Variants in CD109 observed in about 807,000 individuals in gnomAD.
The protein encoded by CD109 is CD109 molecule, also known as CD109 antigen.
CD109 carries 149 observed loss-of-function variants against 165.8 expected under a neutral mutation model. The ratio of observed to expected loss-of-function variants is 0.90; its 90% CI spans 0.79 to 1.03. The LOEUF (loss-of-function observed/expected upper bound fraction) is 1.03. Among genes scored for constraint, CD109 ranks in the 50% least tolerant of loss-of-function variants. The pLI, the probability that CD109 is intolerant of heterozygous loss-of-function variation, is 0.00. For synonymous variants in CD109, 585 were observed against 592.1 expected, an observed-to-expected ratio of 0.99 and a Z score of 0.18; for missense variants, 1,712 against 1,677.8, an observed-to-expected ratio of 1.02 and a Z score of -0.36.
chr6:73,743,648 A>G (rs978322312), intron 5 of CD109, among the ~76,000 whole-genome samples: 1 of 152,094 alleles, frequency 6.6e-6, no homozygotes, highest in East Asian at 1.9e-4. Flanking sequence ...AAAAGAGCAC[A>G]TCTTTGTTTG....
intron 29 of CD109, 117 bp from the exon 30 acceptor site, chr6:73,814,864 G>C (rs1016270633): frequency 5.4e-6 from 3 of 559,456 alleles, no homozygotes; most frequent in Admixed American, 4.4e-5. Context: ...CTAGTTTGAA[G>C]ATTAAAAATC....
At chr6:73,697,094 C>T (rs145866287) in intron 1 of CD109, among the ~76,000 whole-genome samples, 127 of 152,276 alleles carry the variant, frequency 8.3e-4, no homozygotes, top group African/African-American at 2.1e-3. Context: ...CATTATGCCC[C>T]GGTGCAAGCC....
At chr6:73,763,932 T>G (rs1339914008) in intron 10 of CD109, among the ~76,000 whole-genome samples, 1 of 152,170 alleles carries the variant, frequency 6.6e-6, no homozygotes, top group African/African-American at 2.4e-5. Context: ...GCAATTTAAG[T>G]TAGATGTGGA....
chr6:73,785,585 T>C (rs2150256381), intron 20 of CD109, 108 bp downstream of exon 20: 2 of 586,782 alleles, frequency 3.4e-6, no homozygotes, highest in East Asian at 6.3e-5. Flanking sequence ...CTAAGCACTT[T>C]ATACATTTCT....
Position 73,806,847 on chromosome 6 carries a change from G to A in CD109, c.2964G>A (p.Leu988=). ...GNYDPSGSTW[L]SAFVLRCFLE... Reference sequence around the variant, plus strand: ...ATTTTTTTCTCTTTTCATAAAGGTTGTCAGCTTTTGTTTTAAGATGTTTCC... The same window carrying A: ...ATTTTTTTCTCTTTTCATAAAGGTTATCAGCTTTTGTTTTAAGATGTTTCC... The change falls in exon 25 of 33, where the codon TTG becomes TTA. Residue 988 remains leucine (L), a synonymous_variant. Transcript: ENST00000287097. The A allele has an allele frequency of 1.2e-6, 2 of 1,611,158 alleles. No individual in the cohort carries two copies. The highest frequency in any genetic ancestry group is 1.7e-6 in the Non-Finnish European group (2 of 1,178,262).
At chr6:73,720,340 A>G (rs1485533546) in intron 2 of CD109, among the ~76,000 whole-genome samples, 1 of 152,200 alleles carries the variant, frequency 6.6e-6, no homozygotes, top group Non-Finnish European at 1.5e-5. Flanking sequence ...AAAGGGTAAA[A>G]TGGCAGTTAC....
At chr6:73,770,279 C>T (rs541282381) in intron 14 of CD109, among the ~76,000 whole-genome samples, 1 of 152,264 alleles carries the variant, frequency 6.6e-6, no homozygotes, top group South Asian at 2.1e-4. Flanking sequence ...TTTATAATTG[C>T]ATGTTTTCTA....
intron 5 of CD109, among the ~76,000 whole-genome samples, chr6:73,743,286 G>T (rs756591271): frequency 1.3e-5 from 2 of 152,128 alleles, no homozygotes; most frequent in East Asian, 1.9e-4. Context: ...CGTAACCGTT[G>T]TCTCAATCTT....
intron 23 of CD109, among the ~76,000 whole-genome samples, chr6:73,802,182 A>C (rs1272657295): frequency 6.6e-6 from 1 of 151,438 alleles, no homozygotes; most frequent in Admixed American, 6.6e-5. Context: ...TTATTAATGC[A>C]GATACGTGAG....
Position 73,728,585 on chromosome 6 carries a change from T to C in CD109, c.277-1759T>C, listed in dbSNP as rs889043033. Among the ~76,000 whole-genome samples, 22 of 152,220 alleles carry C rather than the reference T, an allele frequency of 1.4e-4. 1 individual carries two copies. The highest frequency in any genetic ancestry group is 4.4e-5 in the Non-Finnish European group (3 of 68,040). On this transcript the variant is annotated intron_variant, in intron 3 of 32. Transcript: ENST00000287097. ...TTAGTTCATCTTATTTTTAAATGTA[T>C]TTCCAAGTAAATTGCAGACATCAAT...
chr6:73,778,513 A>C (rs1018607328), intron 15 of CD109, among the ~76,000 whole-genome samples: 1 of 152,206 alleles, frequency 6.6e-6, no homozygotes, highest in Non-Finnish European at 1.5e-5. Flanking sequence ...CTGCTTCTTG[A>C]ATTGGTGTCT....
chr6:73,682,200 G>T, the CD109 span, among the ~76,000 whole-genome samples: 1 of 152,178 alleles, frequency 6.6e-6, no homozygotes, highest in Non-Finnish European at 1.5e-5. Context: ...ATGAGATGAA[G>T]CAAGTCCCTT....
intron 24 of CD109, among the ~76,000 whole-genome samples, chr6:73,806,565 C>A (rs1313010188): frequency 3.3e-5 from 5 of 152,088 alleles, no homozygotes; most frequent in Non-Finnish European, 2.9e-5. Flanking sequence ...TGGATTAGAT[C>A]ATTTCTAAAT....
chr6:73,785,069 G>A (rs1378265795), intron 19 of CD109, among the ~76,000 whole-genome samples: 2 of 152,168 alleles, frequency 1.3e-5, no homozygotes, highest in Admixed American at 6.5e-5. Flanking sequence ...TAAACTAGGA[G>A]ACTAACAGTA....
intron 10 of CD109, among the ~76,000 whole-genome samples, chr6:73,764,616 A>G (rs1773763701): frequency 6.6e-6 from 1 of 151,856 alleles, no homozygotes; most frequent in South Asian, 2.1e-4. Context: ...GGAGTTCGAG[A>G]CCAGCCTGAC....
In CD109 at chr6:73,779,060, A is replaced by T. The variant is rs192646391; in HGVS notation, c.1828-1364A>T. On this transcript the variant is annotated intron_variant, in intron 15 of 32. Transcript: ENST00000287097. ...GGCTCCAGACAGAGACTCTGTAATCATTAAGCAATAACTACTCATTTCCCC... is the reference window on the plus strand; with the variant it reads ...GGCTCCAGACAGAGACTCTGTAATCTTTAAGCAATAACTACTCATTTCCCC... Among the ~76,000 whole-genome samples the T allele has an allele frequency of 9.2e-5, 14 of 152,310 alleles. No homozygotes were observed. The East Asian group carries it at 2.5e-3, about 27-fold the overall frequency.
intron 23 of CD109, among the ~76,000 whole-genome samples, chr6:73,799,298 A>T (rs1041703487): frequency 6.6e-6 from 1 of 152,200 alleles, no homozygotes; most frequent in Non-Finnish European, 1.5e-5. Flanking sequence ...GAACATTAAC[A>T]TGCTTCCAAA....
At chr6:73,703,748 A>G (rs945871236) in intron 2 of CD109, among the ~76,000 whole-genome samples, 6 of 131,060 alleles carry the variant, frequency 4.6e-5, no homozygotes, top group African/African-American at 1.2e-4. Flanking sequence ...TTTATGCACT[A>G]TTTGTTCTGT....
At chr6:73,750,416 G>GC (rs1373423246) in intron 5 of CD109, among the ~76,000 whole-genome samples, 17 of 152,256 alleles carry the variant, frequency 1.1e-4, no homozygotes, top group African/African-American at 3.6e-4. Flanking sequence ...AGAGCAGAGG[G>GC]CAAGAGATTC....
Sources: gnomAD v4.1 joint callset for allele counts (sites outside exome capture counted in the v4.1 genomes callset) on GRCh38, gnomAD v4.1.1 for gene constraint, MANE v1.5 for transcripts, NCBI Gene and HGNC (gene_info 2026-07-23, HGNC 2026-07-21) for gene names.